Variants in RAPGEF4 observed in about 807,000 individuals in gnomAD.
RAPGEF4 encodes the protein Rap guanine nucleotide exchange factor 4, also known as RAP guanine-nucleotide-exchange factor (GEF) 4.
A neutral mutation model predicts 147.9 loss-of-function variants in RAPGEF4; 66 were observed. The ratio of observed to expected loss-of-function variants is 0.45; its 90% CI spans 0.37 to 0.55. The LOEUF (loss-of-function observed/expected upper bound fraction) is 0.55, where lower values mean the gene tolerates loss of function less well. Among genes scored for constraint, RAPGEF4 ranks in the 20% least tolerant of loss-of-function variants. The pLI is 0.00. For missense variants in RAPGEF4, 1,071 were observed against 1,257.3 expected, an observed-to-expected ratio of 0.85 and a Z score of 2.24; for synonymous variants, 419 against 442.7, an observed-to-expected ratio of 0.95 and a Z score of 0.67.
At chr2:172,760,197 TGAG>T (rs1395741604) in intron 1 of RAPGEF4, among the ~76,000 whole-genome samples, 2 of 152,154 alleles carry the variant, frequency 1.3e-5, no homozygotes, top group Non-Finnish European at 2.9e-5. Flanking sequence ...AAAGACCAAA[TGAG>T]GAGCCTAATC....
intron 1 of RAPGEF4, among the ~76,000 whole-genome samples, chr2:172,776,553 A>C (rs1477663312): frequency 6.6e-6 from 1 of 151,592 alleles, no homozygotes; most frequent in Non-Finnish European, 1.5e-5. Flanking sequence ...TGGGACTTTC[A>C]TCATATGTGG....
intron 8 of RAPGEF4, among the ~76,000 whole-genome samples, chr2:172,963,724 C>G (rs1689535242): frequency 6.6e-6 from 1 of 152,168 alleles, no homozygotes; most frequent in Non-Finnish European, 1.5e-5. Context: ...AGTTCCTTGT[C>G]CCAGATCTTA....
chr2:172,789,776 C>T (rs941549464), intron 1 of RAPGEF4, among the ~76,000 whole-genome samples: 2 of 152,208 alleles, frequency 1.3e-5, no homozygotes, highest in African/African-American at 4.8e-5. Context: ...CATGTTGTCA[C>T]AGATTGCAGA....
At chr2:172,973,336 C>T (rs1690713264) in intron 10 of RAPGEF4, among the ~76,000 whole-genome samples, 1 of 152,110 alleles carries the variant, frequency 6.6e-6, no homozygotes, top group Non-Finnish European at 1.5e-5. Flanking sequence ...TGGTCTTGAA[C>T]TCCCAGACTC....
chr2:172,864,536 A>G (rs1433105751), intron 4 of RAPGEF4, among the ~76,000 whole-genome samples: 2 of 152,100 alleles, frequency 1.3e-5, no homozygotes, highest in Non-Finnish European at 2.9e-5. Context: ...TTCCCTGTTC[A>G]GTTTGGATAC....
At chr2:172,946,393 A>C (rs553869239) in intron 6 of RAPGEF4, among the ~76,000 whole-genome samples, 5 of 152,330 alleles carry the variant, frequency 3.3e-5, no homozygotes, top group African/African-American at 1.2e-4. Flanking sequence ...AAAAGGTAGA[A>C]ACCTATACCT....
chr2:172,753,393 G>T (rs1027874167), intron 1 of RAPGEF4, among the ~76,000 whole-genome samples: 3 of 69,280 alleles, frequency 4.3e-5, no homozygotes, highest in African/African-American at 1.0e-4. Context: ...CTAAAACCTT[G>T]ATTTTCTTTT....
intron 3 of RAPGEF4, among the ~76,000 whole-genome samples, chr2:172,805,325 G>C (rs1243961293): frequency 6.6e-6 from 1 of 152,164 alleles, no homozygotes; most frequent in Non-Finnish European, 1.5e-5. Flanking sequence ...AAACGTGTTT[G>C]TCCTAAGAAT....
chr2:172,770,409 A>G (rs1333853060), intron 1 of RAPGEF4, among the ~76,000 whole-genome samples: 1 of 152,214 alleles, frequency 6.6e-6, no homozygotes, highest in Non-Finnish European at 1.5e-5. Context: ...GCAGGGTGAT[A>G]ATATAATACC....
chr2:173,015,215 G>A (rs990023324), intron 18 of RAPGEF4, among the ~76,000 whole-genome samples: 10 of 152,268 alleles, frequency 6.6e-5, no homozygotes, highest in Middle Eastern at 6.8e-3. Flanking sequence ...GGAATTGCTA[G>A]AACTGGAAAT....
At chr2:173,051,509 T>C in intron 30 of RAPGEF4, 131 bp from the exon 31 acceptor site, 1 of 821,456 alleles carries the variant, frequency 1.2e-6, no homozygotes, top group Non-Finnish European at 1.8e-6. Context: ...TTTCAATGAT[T>C]GTGGTGTGTT....
chr2:172,851,564 A>G lies in RAPGEF4; in HGVS notation c.444+37139A>G, dbSNP rs533620867. 7.9e-5 allele frequency among the ~76,000 whole-genome samples: 12 copies of G among 152,314 alleles called. No homozygotes were observed. The South Asian group carries it at 2.5e-3, about 32-fold the overall frequency. On this transcript the variant is annotated intron_variant, in intron 4 of 30. Transcript: ENST00000397081. ...CAACTTAAATGCCCATCAAAGATAGACTGGAAAAAGAAAATGTGGTACATA... is the reference window on the plus strand; with the variant it reads ...CAACTTAAATGCCCATCAAAGATAGGCTGGAAAAAGAAAATGTGGTACATA...
At chr2:172,876,679 A>G (rs1473563405) in intron 4 of RAPGEF4, among the ~76,000 whole-genome samples, 1 of 152,150 alleles carries the variant, frequency 6.6e-6, no homozygotes, top group East Asian at 1.9e-4. Context: ...TTTTGCATCA[A>G]TGTTCATCAG....
chr2:172,870,731 T>C (rs1195101841), intron 4 of RAPGEF4, among the ~76,000 whole-genome samples: 2 of 152,186 alleles, frequency 1.3e-5, no homozygotes, highest in Admixed American at 1.3e-4. Context: ...ATTACTTATC[T>C]TTATGCTTGT....
chr2:172,973,792 C>G (rs1265670619), intron 10 of RAPGEF4, among the ~76,000 whole-genome samples: 1 of 152,190 alleles, frequency 6.6e-6, no homozygotes, highest in Admixed American at 6.5e-5. Flanking sequence ...AAGCCAGATA[C>G]TGAGTTTTAT....
At chr2:172,745,002 T>G (rs891662883) in intron 1 of RAPGEF4, among the ~76,000 whole-genome samples, 23 of 152,192 alleles carry the variant, frequency 1.5e-4, no homozygotes, top group African/African-American at 5.1e-4. Context: ...TTTATTCAAC[T>G]TACTAATATT....
At chr2:172,899,258 T>C (rs966098997) in intron 4 of RAPGEF4, among the ~76,000 whole-genome samples, 2 of 152,232 alleles carry the variant, frequency 1.3e-5, no homozygotes, top group Admixed American at 6.5e-5. Flanking sequence ...AGATAATTTA[T>C]AGGAAAGCCC....
intron 1 of RAPGEF4, among the ~76,000 whole-genome samples, chr2:172,774,395 T>C (rs1683950569): frequency 6.6e-6 from 1 of 152,224 alleles, no homozygotes. Context: ...GGTCCCAATC[T>C]TGTTTCTCAG....
chr2:172,927,646 GA>G (rs1685507067), intron 6 of RAPGEF4, among the ~76,000 whole-genome samples: 1 of 145,738 alleles, frequency 6.9e-6, no homozygotes, highest in Non-Finnish European at 1.5e-5. Context: ...AAAAAAAAAA[GA>G]AAAAAACCAA....
Sources: gnomAD v4.1 joint callset for allele counts (sites outside exome capture counted in the v4.1 genomes callset) on GRCh38, gnomAD v4.1.1 for gene constraint, MANE v1.5 for transcripts, NCBI Gene and HGNC (gene_info 2026-07-23, HGNC 2026-07-21) for gene names.